The following MAGEL2 variants were observed in gnomAD, a reference collection of about 807,000 sequenced individuals.
MAGEL2 encodes the protein MAGE family member L2.
For missense variants in MAGEL2, 1,830 were observed against 1,699.2 expected, an observed-to-expected ratio of 1.08 and a Z score of -1.35; for synonymous variants, 792 against 721.7, an observed-to-expected ratio of 1.10 and a Z score of -1.56.
rs963692472 is a variant in MAGEL2 at position 23,646,603 on chromosome 15, T to C, written c.1140A>G (p.Gln380=). ...AAGTCAGGGGAGTGGCCTGCCAGCC[T>C]TGCTGCGTGGCCTGCCATCCTGGCG... is the stretch of plus-strand genomic sequence containing the variant. The part of the protein sequence containing the change: ...ATSPGWQATQ[Q]GWQATPLTWQ... Residue 380 remains glutamine (Q), a synonymous_variant, in exon 1 of 1, where the codon CAA becomes CAG. Transcript: ENST00000650528. This position sits in a 1 kb window ranked among gnomAD's most constrained non-coding sequence, Gnocchi z 4.2. 11 of 1,472,012 alleles carry C rather than the reference T, an allele frequency of 7.5e-6. No homozygotes were observed. The Admixed American group carries it at 1.9e-4, about 25-fold the overall frequency. 91.2% of individuals were successfully genotyped at this position (1,472,012 alleles called of 1,614,324 possible).
In MAGEL2 at chr15:23,646,818, C is replaced by A; in HGVS notation, c.925G>T (p.Ala309Ser). Reference protein sequence around the residue: ...TQPPASGAPMAQPAAPPAQPM... With the variant: ...TQPPASGAPMSQPAAPPAQPM... Reference sequence around the variant, plus strand: ...TGTGCAGGTGGGGCCGCCGGCTGTGCCATCGGTGCTCCTGAAGCTGGAGGC... The same window carrying A: ...TGTGCAGGTGGGGCCGCCGGCTGTGACATCGGTGCTCCTGAAGCTGGAGGC... The change falls in exon 1 of 1, where the codon GCA becomes TCA. Residue 309 changes from alanine to serine, a missense_variant. Coordinates refer to ENST00000650528, the MANE Select transcript of MAGEL2 (RefSeq NM_019066.5). The surrounding 1 kb of genome is among the most constrained non-coding windows in gnomAD (Gnocchi z 4.2). 1 of 1,536,262 alleles carries A rather than the reference C, an allele frequency of 6.5e-7. No homozygotes were observed. The highest frequency in any genetic ancestry group is 8.7e-7 in the Non-Finnish European group (1 of 1,146,872).
Position 23,646,768 on chromosome 15 carries a change from C to T in MAGEL2, c.975G>A (p.Pro325=), listed in dbSNP as rs1432678687. ...PAQPMAPPAQ[P]MASWAPQAQP... is the part of the protein sequence containing the mutation. ...GAGCCTGCGGGGCCCAAGAAGCCAT[C>T]GGCTGTGCAGGTGGGGCCATCGGCT... The change falls in exon 1 of 1, where the codon CCG becomes CCA. Residue 325 remains proline, a synonymous_variant. Coordinates refer to ENST00000650528, the MANE Select transcript of MAGEL2 (RefSeq NM_019066.5). The surrounding 1 kb of genome is among the most constrained non-coding windows in gnomAD (Gnocchi z 4.2). 6.5e-7 allele frequency: 1 copy of T among 1,532,880 alleles called. No individual in the cohort carries two copies. The highest frequency in any genetic ancestry group is 8.7e-7 in the Non-Finnish European group (1 of 1,146,064). The allele number at this position is 1,532,880 out of a possible 1,614,324, so 95.0% of individuals were successfully genotyped here.
rs1423009238 is a variant in MAGEL2 at position 23,645,032 on chromosome 15, G to T, written c.2711C>A (p.Ala904Asp). The T allele has an allele frequency of 1.2e-6, 2 of 1,613,972 alleles. No individual in the cohort carries two copies. Among genetic ancestry groups the T allele is most frequent in the Non-Finnish European group, 1.7e-6 (2 of 1,179,900 alleles). ...AQEDSRGHTL[A>D]FHDWQGPRPW... ...CCTTGGGCCCTGCCAGTCATGAAAGGCTAGCGTGTGGCCACGGCTGTCCTC... is the reference window on the plus strand; with the variant it reads ...CCTTGGGCCCTGCCAGTCATGAAAGTCTAGCGTGTGGCCACGGCTGTCCTC... Residue 904 changes from alanine to aspartate, a missense_variant, in exon 1 of 1, where the codon GCC becomes GAC. Coordinates refer to ENST00000650528, the MANE Select transcript of MAGEL2 (RefSeq NM_019066.5).
rs140288382 is a variant in MAGEL2, at chr15:23,644,086, C to T, written c.3657G>A (p.Ala1219=). Reference sequence around the variant, plus strand: ...TGTCTTCCCACTCACACTCTGCGAGCGCTTCAAGGTAATGGAATGGCCAGC... The same window carrying T: ...TGTCTTCCCACTCACACTCTGCGAGTGCTTCAAGGTAATGGAATGGCCAGC... ...PQSWPFHYLE[A]LAECEWEDTD... Residue 1219 remains alanine, a synonymous_variant, in exon 1 of 1, where the codon GCG becomes GCA. Coordinates refer to ENST00000650528, the MANE Select transcript of MAGEL2 (RefSeq NM_019066.5). The T allele has an allele frequency of 3.1e-4, 502 of 1,613,914 alleles. 2 individuals carry two copies. In the African/African-American group the frequency reaches 4.9e-3, roughly 16 times the overall value.
Position 23,643,962 on chromosome 15 carries a change from A to G in MAGEL2, c.*31T>C. 2.0e-6 allele frequency: 3 copies of G among 1,519,156 alleles called. No homozygotes were observed. The highest frequency in any genetic ancestry group is 2.6e-6 in the Non-Finnish European group (3 of 1,133,384). 94.1% of individuals were successfully genotyped at this position (1,519,156 alleles called of 1,614,324 possible). A position where few individuals can be genotyped will look rare whatever the true frequency, so the allele number is the denominator to read the frequency against. ...CCCTGTCAGTGGCCTCTGGCCAGGG[A>G]AACACAGGAGCGAGATCTCTGCTAC... On this transcript the variant is annotated 3_prime_UTR_variant, in exon 1 of 1. Transcript: ENST00000650528.
In MAGEL2 at chr15:23,647,306, C is replaced by A; in HGVS notation, c.437G>T (p.Gly146Val). 1 of 1,536,008 alleles carries A rather than the reference C, an allele frequency of 6.5e-7. No homozygotes were observed. The highest frequency in any genetic ancestry group is 8.7e-7 in the Non-Finnish European group (1 of 1,146,536). ...GAPMAHPPPP[G>V]TPMSHPPPPG... ...AGGGGGAGGGTGGGACATTGGGGTC[C>A]CCGGAGGAGGAGGATGGGCCATGGG... Residue 146 changes from glycine to valine, a missense_variant, in exon 1 of 1, where the codon GGG becomes GTG. Transcript: ENST00000650528.
Position 23,644,302 on chromosome 15 carries a change from G to C in MAGEL2, c.3441C>G (p.Asn1147Lys). ...FKLGLDVRET[N>K]GLFGNTKKLI... ...GCTTCTTAGTATTTCCAAAGAGACCGTTTGTCTCCCGGACATCCAACCCTA... is the reference window on the plus strand; with the variant it reads ...GCTTCTTAGTATTTCCAAAGAGACCCTTTGTCTCCCGGACATCCAACCCTA... Residue 1147 changes from asparagine to lysine, a missense_variant, in exon 1 of 1, where the codon AAC (asparagine) becomes AAG (lysine). Transcript: ENST00000650528. The C allele has an allele frequency of 6.2e-7, 1 of 1,613,628 alleles. No homozygotes were observed. Among genetic ancestry groups the C allele is most frequent in the Non-Finnish European group, 8.5e-7 (1 of 1,179,868 alleles).
rs1323342697 is a variant in MAGEL2, at chr15:23,644,819, G to A, written c.2924C>T (p.Thr975Ile). Residue 975 changes from threonine to isoleucine, a missense_variant, in exon 1 of 1, where the codon ACC (threonine) becomes ATC (isoleucine). Physicochemically the swap from Thr to Ile is moderately conservative, Grantham distance 89. Coordinates refer to ENST00000650528, the MANE Select transcript of MAGEL2 (RefSeq NM_019066.5). ...TTCAGAGAGACCCAGGGCCCTGGAG[G>A]TGCTCGGGCCCTCCCAGGCACTCAG... ...WALSAWEGPSTSRALGLSESP... is the reference protein window; with the variant it reads ...WALSAWEGPSISRALGLSESP... 2.5e-6 allele frequency: 4 copies of A among 1,612,760 alleles called. No individual in the cohort carries two copies. The highest frequency in any genetic ancestry group is 2.2e-5 in the East Asian group (1 of 44,866).
Position 23,645,902 on chromosome 15 carries a change from G to T in MAGEL2, c.1841C>A (p.Ala614Glu). 1 of 1,573,282 alleles carries T rather than the reference G, an allele frequency of 6.4e-7. No individual in the cohort carries two copies. The highest frequency in any genetic ancestry group is 1.3e-5 in the African/African-American group (1 of 74,146). The change falls in exon 1 of 1, where the codon GCG (alanine) becomes GAG (glutamate). Residue 614 changes from alanine (A) to glutamate (E), a missense_variant. Ala to Glu is a moderately radical substitution (Grantham distance 107, BLOSUM62 -1). Coordinates refer to ENST00000650528, the MANE Select transcript of MAGEL2 (RefSeq NM_019066.5). ...GGCCTTCTGGGCCTGCCAGGCCAGC[G>T]CCTGTGTCTGCTGCACCTCCTGGAA... ...MEFQEVQQTQ[A>E]LAWQAQKAPT...
chr15:23,647,766 G>C lies in MAGEL2; in HGVS notation c.-24C>G. On this transcript the variant is annotated 5_prime_UTR_variant, in exon 1 of 1. Coordinates refer to ENST00000650528, the MANE Select transcript of MAGEL2 (RefSeq NM_019066.5). ...ATGTCCCTTTGCTGACAGCTGGTGG[G>C]TCTTTTCCTCGGACAGCTGCTGGGC... 2.1e-6 allele frequency: 3 copies of C among 1,435,878 alleles called. No individual in the cohort carries two copies. Among genetic ancestry groups the C allele is most frequent in the Non-Finnish European group, 2.7e-6 (3 of 1,099,990 alleles). The allele number at this position is 1,435,878 out of a possible 1,614,324, so 88.9% of individuals were successfully genotyped here.
Position 23,646,036 on chromosome 15 carries a change from C to A in MAGEL2, c.1707G>T (p.Pro569=). The A allele has an allele frequency of 6.5e-7, 1 of 1,539,038 alleles. No homozygotes were observed. The highest frequency in any genetic ancestry group is 1.4e-5 in the African/African-American group (1 of 72,818). Residue 569 remains proline, a synonymous_variant, in exon 1 of 1, where the codon CCG becomes CCT. Coordinates refer to ENST00000650528, the MANE Select transcript of MAGEL2 (RefSeq NM_019066.5). The surrounding 1 kb of genome is among the most constrained non-coding windows in gnomAD (Gnocchi z 4.2). Reference sequence around the variant, plus strand: ...GCGGGGCAGACAGTGGGGCAGACAGCGGGGCCGGCAGCACAGGCTGGGGCA... The same window carrying A: ...GCGGGGCAGACAGTGGGGCAGACAGAGGGGCCGGCAGCACAGGCTGGGGCA... ...PQVPQPVLPA[P]LSAPLSAPQA...
chr15:23,646,036 C>G lies in MAGEL2; in HGVS notation c.1707G>C (p.Pro569=), dbSNP rs1212615979. The change falls in exon 1 of 1, where the codon CCG becomes CCC. Residue 569 remains proline, a synonymous_variant. Transcript: ENST00000650528. This position sits in a 1 kb window ranked among gnomAD's most constrained non-coding sequence, Gnocchi z 4.2. ...PQVPQPVLPA[P]LSAPLSAPQA... ...GCGGGGCAGACAGTGGGGCAGACAGCGGGGCCGGCAGCACAGGCTGGGGCA... is the reference window on the plus strand; with the variant it reads ...GCGGGGCAGACAGTGGGGCAGACAGGGGGGCCGGCAGCACAGGCTGGGGCA... 2 of 1,539,038 alleles carry G rather than the reference C, an allele frequency of 1.3e-6. No individual in the cohort carries two copies.
chr15:23,644,187 G>C lies in MAGEL2; in HGVS notation c.3556C>G (p.Pro1186Ala). ...EPAEYEFLWG[P>A]RAFLETSKML... ...TTGCTGGTTTCCAGGAATGCTCGAG[G>C]GCCCCAGAGGAACTCATACTCTGCG... Residue 1186 changes from proline to alanine, a missense_variant, in exon 1 of 1, where the codon CCT becomes GCT. Transcript: ENST00000650528. The C allele has an allele frequency of 1.2e-6, 2 of 1,613,862 alleles. No individual in the cohort carries two copies. Among genetic ancestry groups the C allele is most frequent in the Non-Finnish European group, 1.7e-6 (2 of 1,179,862 alleles).
Position 23,647,291 on chromosome 15 carries a change from T to G in MAGEL2, c.452A>C (p.His151Pro). Residue 151 changes from histidine to proline, a missense_variant, in exon 1 of 1, where the codon CAC (histidine) becomes CCC (proline). Transcript: ENST00000650528. ...HPPPPGTPMS[H>P]PPPPGTPMAH... The stretch of plus-strand genomic sequence containing the variant: ...CATTGGGGTCCCCGGAGGGGGAGGG[T>G]GGGACATTGGGGTCCCCGGAGGAGG... The G allele has an allele frequency of 6.5e-7, 1 of 1,534,332 alleles. No homozygotes were observed.
Position 23,646,525 on chromosome 15 carries a change from C to G in MAGEL2, c.1218G>C (p.Pro406=), listed in dbSNP as rs976472043. The change falls in exon 1 of 1, where the codon CCG becomes CCC. Residue 406 remains proline, a synonymous_variant. Coordinates refer to ENST00000650528, the MANE Select transcript of MAGEL2 (RefSeq NM_019066.5). The surrounding 1 kb of genome is among the most constrained non-coding windows in gnomAD (Gnocchi z 4.2). ...WQAPAVTWQV[P]PPMRQGPPPI... Reference sequence around the variant, plus strand: ...GCGGGGGCCCCTGGCGCATGGGCGGCGGCACCTGCCAGGTAACGGCTGGTG... The same window carrying G: ...GCGGGGGCCCCTGGCGCATGGGCGGGGGCACCTGCCAGGTAACGGCTGGTG... The G allele has an allele frequency of 5.4e-6, 8 of 1,468,846 alleles. No individual in the cohort carries two copies. The highest frequency in any genetic ancestry group is 7.2e-6 in the Non-Finnish European group (8 of 1,117,074). The allele number at this position is 1,468,846 out of a possible 1,614,324, so 91.0% of individuals were successfully genotyped here.
rs1379086087 is a variant in MAGEL2 at position 23,647,457 on chromosome 15, C to G, written c.286G>C (p.Gly96Arg). ...GTCGGAGGCTTACCCATCGGGCCCC[C>G]CAGCGGGGGAGCCGGGACTATCGGG... ...GGPIVPAPPL[G>R]GPMGKPPTPG... Residue 96 changes from glycine to arginine, a missense_variant, in exon 1 of 1, where the codon GGG (glycine) becomes CGG (arginine). Coordinates refer to ENST00000650528, the MANE Select transcript of MAGEL2 (RefSeq NM_019066.5). 6 of 1,534,642 alleles carry G rather than the reference C, an allele frequency of 3.9e-6. 1 individual carries two copies. The highest frequency in any genetic ancestry group is 3.3e-4 in the Middle Eastern group (2 of 5,980).
chr15:23,647,392 G>C lies in MAGEL2; in HGVS notation c.351C>G (p.Ala117=). The C allele has an allele frequency of 6.5e-7, 1 of 1,536,246 alleles. No individual in the cohort carries two copies. Among genetic ancestry groups the C allele is most frequent in the South Asian group, 1.2e-5 (1 of 84,038 alleles). The change falls in exon 1 of 1, where the codon GCC becomes GCG. Residue 117 remains alanine (A), a synonymous_variant. Coordinates refer to ENST00000650528, the MANE Select transcript of MAGEL2 (RefSeq NM_019066.5). ...CCGGGGTCGGAGGCTGGGCCATCGG[G>C]GCTCCCGGAGGTGGAGGATGCACCA... is the stretch of plus-strand genomic sequence containing the variant. ...VLMVHPPPPG[A]PMAQPPTPGV...
rs766822254 is a variant in MAGEL2 at position 23,645,832 on chromosome 15, C to T, written c.1911G>A (p.Arg637=). ...CCAGCTGGACCAAGGGGGGAGCCTG[C>T]CTCTGGGCCTCCTGGGCAGGCAGGG... ...WQPLPAQEAQ[R]QAPPLVQLEQ... Residue 637 remains arginine (R), a synonymous_variant, in exon 1 of 1, where the codon AGG becomes AGA. Transcript: ENST00000650528. The T allele has an allele frequency of 5.5e-5, 87 of 1,584,148 alleles. No individual in the cohort carries two copies. In the Middle Eastern group the frequency reaches 2.2e-3, roughly 39 times the overall value.
Position 23,645,736 on chromosome 15 carries a change from C to T in MAGEL2, c.2007G>A (p.Gln669=). ...GCACCTCCGCTTGCGGACCCGATGCCTGGGCCTGCTGGGGGGGTAGCTGGA... is the reference window on the plus strand; with the variant it reads ...GCACCTCCGCTTGCGGACCCGATGCTTGGGCCTGCTGGGGGGGTAGCTGGA... The part of the protein sequence containing the change: ...VQIQLPPQQA[Q]ASGPQAEVPT... Residue 669 remains glutamine (Q), a synonymous_variant, in exon 1 of 1, where the codon CAG becomes CAA. Coordinates refer to ENST00000650528, the MANE Select transcript of MAGEL2 (RefSeq NM_019066.5). The T allele has an allele frequency of 6.4e-7, 1 of 1,568,064 alleles. No homozygotes were observed.
Sources: gnomAD v4.1 joint callset for allele counts on GRCh38, gnomAD v4.1.1 for gene constraint, Gnocchi (gnomAD v3.1) non-coding constraint, MANE v1.5 for transcripts, NCBI Gene and HGNC (gene_info 2026-07-23, HGNC 2026-07-21) for gene names.